The following APOBEC3D variants were observed in gnomAD, a reference collection of about 807,000 sequenced individuals.
APOBEC3D encodes the protein DNA dC->dU-editing enzyme APOBEC-3D.
A neutral mutation model predicts 45.6 loss-of-function variants in APOBEC3D; 37 were observed. That is an observed-to-expected ratio of 0.81 (90% CI 0.62 to 1.07). APOBEC3D has a LOEUF of 1.07. Among genes scored for constraint, APOBEC3D ranks in the 50% least tolerant of loss-of-function variants. The probability of loss-of-function intolerance (pLI) is 0.00; values close to 1 mark genes in which losing one functional copy is unlikely to be tolerated. For synonymous variants in APOBEC3D, 175 were observed against 180.7 expected, an observed-to-expected ratio of 0.97 and a Z score of 0.25; for missense variants, 496 against 495.3, an observed-to-expected ratio of 1.00 and a Z score of -0.01.
rs770481293 is a variant in APOBEC3D at position 39,029,490 on chromosome 22, T to C, written c.733T>C (p.Phe245Leu). The C allele has an allele frequency of 6.2e-7, 1 of 1,614,186 alleles. No individual in the cohort carries two copies. Among genetic ancestry groups the C allele is most frequent in the African/African-American group, 1.3e-5 (1 of 75,034 alleles). ...AGTTACAAAGCACCACTCAGCTGTCTTCCGGAAGAGGGGCGTCTTCCGAAA... is the reference window on the plus strand; with the variant it reads ...AGTTACAAAGCACCACTCAGCTGTCCTCCGGAAGAGGGGCGTCTTCCGAAA... Reference protein sequence around the residue: ...MEVTKHHSAVFRKRGVFRNQV... With the variant: ...MEVTKHHSAVLRKRGVFRNQV... The change falls in exon 5 of 7, where the codon TTC (phenylalanine) becomes CTC (leucine). Residue 245 changes from phenylalanine (F) to leucine (L), a missense_variant. Physicochemically the swap from Phe to Leu is conservative, Grantham distance 22 (BLOSUM62 0). Coordinates refer to ENST00000216099, the MANE Select transcript of APOBEC3D (RefSeq NM_152426.4).
intron 4 of APOBEC3D, among the ~76,000 whole-genome samples, chr22:39,028,247 G>C (rs1359542107): frequency 6.6e-6 from 1 of 152,218 alleles, no homozygotes; most frequent in African/African-American, 2.4e-5. Flanking sequence ...GAAAAAATAT[G>C]ATCAGGAGAA....
chr22:39,029,408 T>G lies in APOBEC3D; in HGVS notation c.651T>G (p.Phe217Leu). 1 of 1,614,170 alleles carries G rather than the reference T, an allele frequency of 6.2e-7. No individual in the cohort carries two copies. Residue 217 changes from phenylalanine (F) to leucine (L), a missense_variant, in exon 5 of 7, where the codon TTT becomes TTG. Coordinates refer to ENST00000216099, the MANE Select transcript of APOBEC3D (RefSeq NM_152426.4). Reference sequence around the variant, plus strand: ...ACCCACACATATTCTACTTCCACTTTAAAAACCTACTGAAAGCCTGTGGTC... The same window carrying G: ...ACCCACACATATTCTACTTCCACTTGAAAAACCTACTGAAAGCCTGTGGTC... ...AMYPHIFYFH[F>L]KNLLKACGRN...
intron 5 of APOBEC3D, among the ~76,000 whole-genome samples, 186 bp from the exon 6 acceptor site, chr22:39,031,508 T>C (rs1361944580): frequency 4.6e-5 from 7 of 152,158 alleles, no homozygotes; most frequent in African/African-American, 1.4e-4. Context: ...AGGTCAAGGC[T>C]GCAGTCAGCC....
At chr22:39,031,276 A>C (rs1275216701) in intron 5 of APOBEC3D, among the ~76,000 whole-genome samples, 1 of 152,178 alleles carries the variant, frequency 6.6e-6, no homozygotes, top group Non-Finnish European at 1.5e-5. Flanking sequence ...AAAAGTAAAG[A>C]AATAAAATAA....
At chr22:39,025,404 G>T (rs1283169093) in intron 3 of APOBEC3D, 55 bp downstream of exon 3, 1 of 1,612,578 alleles carries the variant, frequency 6.2e-7, no homozygotes, top group Non-Finnish European at 8.5e-7. Context: ...CTCAGAGATG[G>T]ATGGATCTGC....
intron 5 of APOBEC3D, 119 bp downstream of exon 5, chr22:39,029,638 TTTC>T (rs1174872972): frequency 1.7e-6 from 2 of 1,197,978 alleles, no homozygotes; most frequent in Non-Finnish European, 2.2e-6. Flanking sequence ...CTTACATTTC[TTTC>T]TTTTTTTTTT....
chr22:39,021,487 G>T lies in APOBEC3D; in HGVS notation c.-33G>T, dbSNP rs1053186746. 1 of 1,614,030 alleles carries T rather than the reference G, an allele frequency of 6.2e-7. No homozygotes were observed. Among genetic ancestry groups the T allele is most frequent in the African/African-American group, 1.3e-5 (1 of 74,914 alleles). The stretch of plus-strand genomic sequence containing the variant: ...AACCACAGCACTTCAAAAAAAGAGG[G>T]AGACTGGGACAAGCGTATCTAAGAG... On this transcript the variant is annotated 5_prime_UTR_variant, in exon 1 of 7. Transcript: ENST00000216099.
Position 39,025,684 on chromosome 22 carries a change from C to T in APOBEC3D, c.605+13C>T, listed in dbSNP as rs748178761. The stretch of plus-strand genomic sequence containing the variant: ...AGGAGATTCTCAGGTGAGGGTCTCC[C>T]TCTGGCCTCATCGTCTCTCTCCTCT... On this transcript the variant is annotated intron_variant, in intron 4 of 6. Transcript: ENST00000216099. 2 of 1,614,020 alleles carry T rather than the reference C, an allele frequency of 1.2e-6. No individual in the cohort carries two copies. Among genetic ancestry groups the T allele is most frequent in the Non-Finnish European group, 8.5e-7 (1 of 1,179,946 alleles).
rs180972750 is a variant in APOBEC3D at position 39,028,525 on chromosome 22, C to A, written c.606-838C>A. ...ACTTAGGAGAGTAGCCTGGACCGGC[C>A]GGGCTCAGTGGCTCATGCCTGTCAT... is the stretch of plus-strand genomic sequence containing the variant. On this transcript the variant is annotated intron_variant, in intron 4 of 6. Coordinates refer to ENST00000216099, the MANE Select transcript of APOBEC3D (RefSeq NM_152426.4). 2.0e-5 allele frequency among the ~76,000 whole-genome samples: 3 copies of A among 152,220 alleles called. No homozygotes were observed. In the South Asian group the frequency reaches 6.2e-4, roughly 31 times the overall value.
chr22:39,022,393 G>A lies in APOBEC3D; in HGVS notation c.18-429G>A, dbSNP rs548055890. Among the ~76,000 whole-genome samples, 705 of 152,362 alleles carry A rather than the reference G, an allele frequency of 4.6e-3. 1 individual carries two copies. Among genetic ancestry groups the A allele is most frequent in the Non-Finnish European group, 7.5e-3 (513 of 68,032 alleles). ...CCCCCACGCAGCACTTAGAAGAGAG[G>A]CCTGGGCCTCAGAATTCGGTTCTAC... On this transcript the variant is annotated intron_variant, in intron 1 of 6. Transcript: ENST00000216099.
At chr22:39,026,749 G>GTTT (rs1341401848) in intron 4 of APOBEC3D, among the ~76,000 whole-genome samples, 1 of 149,282 alleles carries the variant, frequency 6.7e-6, no homozygotes, top group African/African-American at 2.6e-5. Context: ...TTTGAGTAAG[G>GTTT]TTTTTTTGTT....
At chr22:39,028,974 C>A (rs767953906) in intron 4 of APOBEC3D, among the ~76,000 whole-genome samples, 31 of 152,098 alleles carry the variant, frequency 2.0e-4, no homozygotes, top group East Asian at 3.9e-4. Context: ...TAAAAATAAT[C>A]ATCATCATCA....
intron 2 of APOBEC3D, among the ~76,000 whole-genome samples, chr22:39,023,608 A>G (rs529003908): frequency 6.6e-6 from 1 of 151,396 alleles, no homozygotes; most frequent in South Asian, 2.1e-4. Flanking sequence ...CACCGTGCCC[A>G]GCTAATTTTT....
intron 6 of APOBEC3D, 34 bp downstream of exon 6, chr22:39,032,007 G>A (rs549196225): frequency 1.7e-5 from 27 of 1,612,090 alleles, no homozygotes; most frequent in Non-Finnish European, 2.2e-5. Flanking sequence ...AGTGGGTGCG[G>A]GAGGGACAGC....
intron 4 of APOBEC3D, among the ~76,000 whole-genome samples, chr22:39,026,019 A>G (rs993307731): frequency 6.6e-6 from 1 of 152,232 alleles, no homozygotes; most frequent in African/African-American, 2.4e-5. Flanking sequence ...ATGAATAGTC[A>G]CAAGCCCGAC....
intron 2 of APOBEC3D, among the ~76,000 whole-genome samples, chr22:39,024,482 G>A (rs1188161505): frequency 6.6e-6 from 1 of 152,224 alleles, no homozygotes; most frequent in Admixed American, 6.5e-5. Context: ...ACGTGTCTTG[G>A]TGCACCTTGT....
chr22:39,029,868 C>T (rs1245247379), intron 5 of APOBEC3D, among the ~76,000 whole-genome samples: 1 of 152,258 alleles, frequency 6.6e-6, no homozygotes, highest in African/African-American at 2.4e-5. Context: ...CGCTTGGCCT[C>T]CCAACGTTCT....
In APOBEC3D at chr22:39,025,590, A is replaced by G. The variant is rs200273887; in HGVS notation, c.524A>G (p.Asn175Ser). Residue 175 changes from asparagine (N) to serine (S), a missense_variant, in exon 4 of 7, where the codon AAT becomes AGT. Physicochemically the swap from Asn to Ser is conservative, Grantham distance 46. Transcript: ENST00000216099. ...TACTGCTGGGAAAACTTTGTGTGCA[A>G]TGAAGGTCAGCCATTCATGCCTTGG... Reference protein sequence around the residue: ...FAYCWENFVCNEGQPFMPWYK... With the variant: ...FAYCWENFVCSEGQPFMPWYK... 91 of 1,614,088 alleles carry G rather than the reference A, an allele frequency of 5.6e-5. No homozygotes were observed. The East Asian group carries it at 6.2e-4, about 11-fold the overall frequency.
At position 39,029,393 on chromosome 22, in the gene APOBEC3D, A is replaced by G. The variant is rs373725653; in HGVS notation, c.636A>G (p.Ile212Met). 1 of 1,614,120 alleles carries G rather than the reference A, an allele frequency of 6.2e-7. No homozygotes were observed. Among genetic ancestry groups the G allele is most frequent in the East Asian group, 2.2e-5 (1 of 44,880 alleles). Residue 212 changes from isoleucine to methionine, a missense_variant, in exon 5 of 7, where the codon ATA (isoleucine) becomes ATG (methionine). Transcript: ENST00000216099. ...CGATGGAGGCAATGTACCCACACATATTCTACTTCCACTTTAAAAACCTAC... is the reference window on the plus strand; with the variant it reads ...CGATGGAGGCAATGTACCCACACATGTTCTACTTCCACTTTAAAAACCTAC... ...RNPMEAMYPH[I>M]FYFHFKNLLK...
Sources: gnomAD v4.1 joint callset for allele counts (sites outside exome capture counted in the v4.1 genomes callset) on GRCh38, gnomAD v4.1.1 for gene constraint, MANE v1.5 for transcripts, NCBI Gene and HGNC (gene_info 2026-07-23, HGNC 2026-07-21) for gene names.